The following NPEPPS variants were observed in gnomAD, a reference collection of about 807,000 sequenced individuals.
NPEPPS encodes puromycin-sensitive aminopeptidase.
Under a neutral mutation model 115.5 loss-of-function variants are expected in NPEPPS, and 14 were observed. That is an observed-to-expected ratio of 0.12 (90% confidence interval 0.08 to 0.19). The LOEUF is 0.19. Ranked by LOEUF, NPEPPS falls within the 10% of genes least tolerant of loss-of-function variation. NPEPPS has a pLI of 1.00. For synonymous variants in NPEPPS, 285 were observed against 390.6 expected, an observed-to-expected ratio of 0.73 and a Z score of 3.19; for missense variants, 523 against 1,110.8, an observed-to-expected ratio of 0.47 and a Z score of 7.52.
At chr17:47,536,483 C>G (rs1472897047) in intron 1 of NPEPPS, among the ~76,000 whole-genome samples, 2 of 150,326 alleles carry the variant, frequency 1.3e-5, no homozygotes, top group East Asian at 3.9e-4. Context: ...GCCTCTGCCC[C>G]CCCAGGTTCA....
intron 2 of NPEPPS, among the ~76,000 whole-genome samples, chr17:47,560,942 A>G (rs1450606165): frequency 2.6e-5 from 4 of 152,182 alleles, no homozygotes; most frequent in Non-Finnish European, 5.9e-5. Context: ...CTTGGAGGAA[A>G]ATACATTCTG....
upstream of NPEPPS, among the ~76,000 whole-genome samples, chr17:47,529,532 G>A (rs569538747): frequency 2.7e-5 from 4 of 147,998 alleles, no homozygotes; most frequent in East Asian, 8.0e-4. Context: ...AGCCTCCCTA[G>A]TAGCTGGGAC....
intron 12 of NPEPPS, 91 bp from the exon 13 acceptor site, chr17:47,596,262 G>A: frequency 1.4e-6 from 1 of 729,712 alleles, no homozygotes; most frequent in Non-Finnish European, 2.2e-6. Context: ...CAAAGAATTA[G>A]CAGTGTAGTG....
chr17:47,552,860 A>G (rs1316183599), intron 2 of NPEPPS, among the ~76,000 whole-genome samples: 3 of 152,224 alleles, frequency 2.0e-5, no homozygotes, highest in African/African-American at 7.2e-5. Flanking sequence ...CACTAAGTGC[A>G]TTACATGTTC....
chr17:47,618,070 A>G (rs945386395), intron 19 of NPEPPS, among the ~76,000 whole-genome samples: 8 of 151,320 alleles, frequency 5.3e-5, no homozygotes, highest in Non-Finnish European at 8.8e-5. Context: ...TAGTAGAAAC[A>G]GGGTTTCACC....
At chr17:47,535,983 C>T (rs1173599550) in intron 1 of NPEPPS, among the ~76,000 whole-genome samples, 2 of 151,366 alleles carry the variant, frequency 1.3e-5, no homozygotes, top group Admixed American at 6.6e-5. Context: ...ACTACAGGCA[C>T]GCGCCGCCAT....
intron 8 of NPEPPS, 172 bp downstream of exon 8, chr17:47,586,570 G>T: frequency 1.6e-6 from 1 of 630,068 alleles, no homozygotes; most frequent in Non-Finnish European, 2.9e-6. Flanking sequence ...CCTCCCTTTG[G>T]TGCTACTGTC....
At chr17:47,527,521 T>C (rs1382531909), upstream of NPEPPS, among the ~76,000 whole-genome samples, 1 of 150,894 alleles carries the variant, frequency 6.6e-6, no homozygotes, top group Non-Finnish European at 1.5e-5. Flanking sequence ...AAACAAAATG[T>C]TTAGTAAGCA....
intron 17 of NPEPPS, among the ~76,000 whole-genome samples, chr17:47,607,787 C>T (rs1363259114): frequency 6.6e-6 from 1 of 152,146 alleles, no homozygotes; most frequent in African/African-American, 2.4e-5. Context: ...AAATTTTGGC[C>T]TGCAGAACTG....
chr17:47,610,397 G>T (rs187680152), intron 17 of NPEPPS, among the ~76,000 whole-genome samples: 151 of 150,904 alleles, frequency 1.0e-3, no homozygotes, highest in Middle Eastern at 3.4e-3. Flanking sequence ...TTTTTTTTGG[G>T]GGGGGGTAAC....
intron 18 of NPEPPS, among the ~76,000 whole-genome samples, chr17:47,612,888 C>T (rs1913966806): frequency 1.3e-5 from 2 of 152,114 alleles, no homozygotes; most frequent in Admixed American, 6.5e-5. Context: ...GTCTCGAACT[C>T]CTGACCTCAG....
chr17:47,619,840 C>T, intron 22 of NPEPPS, 56 bp downstream of exon 22: 1 of 1,310,488 alleles, frequency 7.6e-7, no homozygotes, highest in Non-Finnish European at 1.1e-6. Context: ...AAAACAATAA[C>T]CTGGTTGTAA....
chr17:47,547,870 C>G lies in NPEPPS; in HGVS notation c.340+1877C>G, dbSNP rs576336712. On this transcript the variant is annotated intron_variant, in intron 2 of 22. Transcript: ENST00000322157. ...CGAAACCCCGTCTCTACTAAAAATA[C>G]AAAAAATCAGCTGGGCGTGGTGGCG... Among the ~76,000 whole-genome samples, 5 of 152,066 alleles carry G rather than the reference C, an allele frequency of 3.3e-5. No homozygotes were observed. The South Asian group carries it at 1.0e-3, about 32-fold the overall frequency.
At chr17:47,555,010 G>A (rs1202499270) in intron 2 of NPEPPS, among the ~76,000 whole-genome samples, 1 of 152,162 alleles carries the variant, frequency 6.6e-6, no homozygotes, top group Non-Finnish European at 1.5e-5. Flanking sequence ...TTTTCAGACC[G>A]TAGTTGACTC....
chr17:47,552,009 G>C (rs1179023666), intron 2 of NPEPPS, among the ~76,000 whole-genome samples: 1 of 93,746 alleles, frequency 1.1e-5, no homozygotes, highest in Non-Finnish European at 2.1e-5. Flanking sequence ...GTCTTTCTCT[G>C]TCATCCAGGC....
intron 2 of NPEPPS, 25 bp from the exon 3 acceptor site, chr17:47,569,392 A>G (rs112497139): frequency 2.0e-6 from 3 of 1,480,484 alleles, no homozygotes; most frequent in Non-Finnish European, 9.4e-7. Context: ...TCAGAATTGT[A>G]AAGTAATTTT....
intron 2 of NPEPPS, among the ~76,000 whole-genome samples, chr17:47,550,233 A>T (rs1909542336): frequency 6.6e-6 from 1 of 151,682 alleles, no homozygotes; most frequent in Admixed American, 6.6e-5. Flanking sequence ...GTGCCTAGCC[A>T]ATTGTTACTT....
At chr17:47,524,536 G>A (rs1270902106) in intron 1 of NPEPPS, among the ~76,000 whole-genome samples, 3 of 150,884 alleles carry the variant, frequency 2.0e-5, no homozygotes, top group Non-Finnish European at 3.0e-5. Context: ...GCTCTGTTGC[G>A]CAGGCTGGAG....
intron 12 of NPEPPS, 136 bp downstream of exon 12, chr17:47,592,681 G>A (rs1010521587): frequency 6.6e-6 from 5 of 762,324 alleles, no homozygotes; most frequent in African/African-American, 1.8e-5. Context: ...TTGAAGCTGT[G>A]TTCAGGTTGA....
Sources: gnomAD v4.1 joint callset for allele counts (sites outside exome capture counted in the v4.1 genomes callset) on GRCh38, gnomAD v4.1.1 for gene constraint, MANE v1.5 for transcripts, NCBI Gene and HGNC (gene_info 2026-07-23, HGNC 2026-07-21) for gene names.